The following PCDHA4 variants were observed in gnomAD, a reference collection of about 807,000 sequenced individuals.
PCDHA4 encodes protocadherin alpha 4, also known as protocadherin alpha-4.
In PCDHA4, 49 loss-of-function variants were observed where a neutral mutation model predicts 61.4. The observed-to-expected ratio is 0.80, with a 90% CI of 0.63 to 1.01. The LOEUF (loss-of-function observed/expected upper bound fraction) is 1.01. PCDHA4 is among the 50% of genes least tolerant of loss of function. PCDHA4 has a pLI of 0.00. For missense variants in PCDHA4, 1,254 were observed against 1,235.8 expected, an observed-to-expected ratio of 1.01 and a Z score of -0.22; for synonymous variants, 590 against 550.3, an observed-to-expected ratio of 1.07 and a Z score of -1.01.
At chr5:140,883,609 C>T (rs2059699123) in intron 1 of PCDHA4, 1 of 1,614,032 alleles carries the variant, frequency 6.2e-7, no homozygotes, top group Non-Finnish European at 8.5e-7. Flanking sequence ...GGGTGGCCGA[C>T]GTGAACGACA....
intron 1 of PCDHA4, chr5:140,822,544 G>A (rs2150117161): frequency 5.6e-6 from 9 of 1,613,792 alleles, no homozygotes; most frequent in Non-Finnish European, 7.6e-6. Context: ...TGCACCAAGT[G>A]GGACATTAGT....
At chr5:140,841,293 T>C in intron 1 of PCDHA4, 3 of 1,494,776 alleles carry the variant, frequency 2.0e-6, no homozygotes, top group Non-Finnish European at 1.8e-6. Flanking sequence ...ATTAAGATAA[T>C]ATTTTCTGAT....
chr5:140,868,771 A>G lies in PCDHA4; in HGVS notation c.2385+59199A>G, dbSNP rs986240016. 2.7e-4 allele frequency: 70 copies of G among 257,218 alleles called. No individual in the cohort carries two copies. In the Middle Eastern group the frequency reaches 5.2e-3, roughly 19 times the overall value. The allele number at this position is 257,218 out of a possible 1,614,324, so 15.9% of individuals were successfully genotyped here. ...ATTTCCATATATATTTAGTTTCAAT[A>G]TGACTTATAATCTGAATATTCCATA... is the stretch of plus-strand genomic sequence containing the variant. On this transcript the variant is annotated intron_variant, in intron 1 of 3. Coordinates refer to ENST00000530339, the MANE Select transcript of PCDHA4 (RefSeq NM_018907.4).
intron 1 of PCDHA4, among the ~76,000 whole-genome samples, chr5:140,960,268 C>T (rs909300103): frequency 3.3e-5 from 5 of 152,222 alleles, no homozygotes; most frequent in African/African-American, 7.2e-5. Context: ...TGATAAATTC[C>T]GTCACCTTTT....
At chr5:140,837,219 T>A (rs935838463) in intron 1 of PCDHA4, 1 of 152,352 alleles carries the variant, frequency 6.6e-6, no homozygotes, top group African/African-American at 2.4e-5. Context: ...ACTTGAATTT[T>A]AAGCATTTCT....
chr5:140,879,612 G>T (rs1554170881), intron 1 of PCDHA4, among the ~76,000 whole-genome samples: 1 of 152,172 alleles, frequency 6.6e-6, no homozygotes, highest in East Asian at 1.9e-4. Context: ...ATGTGTCCAG[G>T]TACTTAGGTG....
chr5:140,879,125 A>C (rs1251255000), intron 1 of PCDHA4, among the ~76,000 whole-genome samples: 2 of 152,244 alleles, frequency 1.3e-5, no homozygotes, highest in African/African-American at 2.4e-5. Flanking sequence ...GGATTAGAGC[A>C]GGGGAGATTG....
rs1554144490 is a variant in PCDHA4, at chr5:140,850,541, G to C, written c.2385+40969G>C. ...AGGCGCCAAAGTCATCGTCGCGGGC[G>C]TCAGTGGGTGCCACGGGCCCCGAGG... is the stretch of plus-strand genomic sequence containing the variant. On this transcript the variant is annotated intron_variant, in intron 1 of 3. Transcript: ENST00000530339. The C allele has an allele frequency of 2.5e-6, 4 of 1,598,386 alleles. 1 individual carries two copies. In the South Asian group the frequency reaches 4.4e-5, roughly 18 times the overall value.
intron 1 of PCDHA4, among the ~76,000 whole-genome samples, chr5:140,922,038 T>A (rs1048446579): frequency 6.6e-6 from 1 of 152,088 alleles, no homozygotes. Context: ...AATGTAATTT[T>A]CCCACATACC....
intron 1 of PCDHA4, among the ~76,000 whole-genome samples, chr5:140,937,927 A>T (rs1376744977): frequency 1.3e-5 from 2 of 149,332 alleles, no homozygotes; most frequent in East Asian, 2.0e-4. Context: ...AAAAAAAAAA[A>T]GTTTAATTTG....
At chr5:140,829,784 C>T (rs2150174658) in intron 1 of PCDHA4, 2 of 1,613,724 alleles carry the variant, frequency 1.2e-6, no homozygotes, top group Non-Finnish European at 1.7e-6. Context: ...CGCGCCGGCG[C>T]TGCTGGCGCC....
At chr5:140,843,431 A>G (rs1554140071) in intron 1 of PCDHA4, 3 of 1,596,040 alleles carry the variant, frequency 1.9e-6, no homozygotes, top group South Asian at 1.1e-5. Flanking sequence ...GATCATCGCC[A>G]TCTGCGCGGT....
intron 1 of PCDHA4, among the ~76,000 whole-genome samples, chr5:140,899,684 G>T (rs1554188704): frequency 6.6e-6 from 1 of 152,154 alleles, no homozygotes; most frequent in African/African-American, 2.4e-5. Context: ...TCAGGATGAT[G>T]CTGGCCTCAT....
chr5:140,807,231 T>G lies in PCDHA4; in HGVS notation c.44T>G (p.Leu15Arg). 6.2e-7 allele frequency: 1 copy of G among 1,614,204 alleles called. No individual in the cohort carries two copies. The highest frequency in any genetic ancestry group is 8.5e-7 in the Non-Finnish European group (1 of 1,180,026). Reference sequence around the variant, plus strand: ...AGCGGCCAGGAATCCCGGCGTCTGCTGCTCTTACTTCTTCTCCTCGCAGCC... The same window carrying G: ...AGCGGCCAGGAATCCCGGCGTCTGCGGCTCTTACTTCTTCTCCTCGCAGCC... ...WGSGQESRRL[L>R]LLLLLLAAWE... is the part of the protein sequence containing the mutation. Residue 15 changes from leucine (L) to arginine (R), a missense_variant, in exon 1 of 4, where the codon CTG becomes CGG. Transcript: ENST00000530339.
At chr5:140,997,118 C>A (rs1319289091) in intron 3 of PCDHA4, among the ~76,000 whole-genome samples, 24 of 152,088 alleles carry the variant, frequency 1.6e-4, no homozygotes, top group Non-Finnish European at 3.1e-4. Context: ...TGCTCTCCCA[C>A]ATACACAATG....
At chr5:140,841,311 G>A (rs1312688051) in intron 1 of PCDHA4, 11 of 1,582,128 alleles carry the variant, frequency 7.0e-6, no homozygotes, top group Non-Finnish European at 8.6e-6. Context: ...GATAGGAAAC[G>A]ACTATTTAAC....
chr5:140,994,142 G>A (rs550428204), intron 3 of PCDHA4, among the ~76,000 whole-genome samples: 21 of 152,298 alleles, frequency 1.4e-4, no homozygotes, highest in South Asian at 4.1e-4. Context: ...AATGCCCTAC[G>A]TAGGTAGGGT....
intron 1 of PCDHA4, among the ~76,000 whole-genome samples, chr5:140,945,934 T>C (rs1161156525): frequency 2.0e-5 from 3 of 152,092 alleles, no homozygotes; most frequent in African/African-American, 4.8e-5. Context: ...TGAGCAATGA[T>C]GTTTTTTATA....
At chr5:140,887,376 G>A (rs1169212781) in intron 1 of PCDHA4, among the ~76,000 whole-genome samples, 1 of 152,158 alleles carries the variant, frequency 6.6e-6, no homozygotes, top group Non-Finnish European at 1.5e-5. Context: ...GATTACAGGT[G>A]TGAGCCACCG....
Sources: allele counts gnomAD v4.1 joint callset (sites outside exome capture counted in the v4.1 genomes callset), GRCh38; gene constraint gnomAD v4.1.1; transcripts MANE v1.5; gene names NCBI Gene and HGNC (gene_info 2026-07-23, HGNC 2026-07-21).